CSMD1: variants seen among roughly 807,000 people sequenced by gnomAD.
CSMD1 encodes CUB and sushi domain-containing protein 1.
Under a neutral mutation model 417.5 loss-of-function variants are expected in CSMD1, and 213 were observed. The ratio of observed to expected loss-of-function variants is 0.51; its 90% CI spans 0.46 to 0.57. The LOEUF (loss-of-function observed/expected upper bound fraction) is 0.57. Among genes scored for constraint, CSMD1 ranks in the 20% least tolerant of loss-of-function variants. The probability of loss-of-function intolerance (pLI) is 0.00; values close to 1 mark genes in which losing one functional copy is unlikely to be tolerated. For synonymous variants in CSMD1, 2,862 were observed against 1,736.8 expected, an observed-to-expected ratio of 1.65 and a Z score of -16.11; for missense variants, 6,923 against 4,529.7, an observed-to-expected ratio of 1.53 and a Z score of -15.17.
At chr8:4,074,298 G>A (rs574068096) in intron 3 of CSMD1, among the ~76,000 whole-genome samples, 2 of 152,036 alleles carry the variant, frequency 1.3e-5, no homozygotes, top group South Asian at 2.1e-4. Context: ...GCTAAACAAT[G>A]AAAGAAAATA....
chr8:2,978,653 A>C lies in CSMD1; in HGVS notation c.8525T>G (p.Met2842Arg), dbSNP rs1434507582. Residue 2842 changes from methionine to arginine, a missense_variant, in exon 55 of 70, where the codon ATG becomes AGG. Met to Arg is a moderately conservative substitution (Grantham distance 91, BLOSUM62 -1). Transcript: ENST00000635120. ...YLLGSSALTCMANGLWDRSLP... is the reference protein window; with the variant it reads ...YLLGSSALTCRANGLWDRSLP... The stretch of plus-strand genomic sequence containing the variant: ...GGATCGGTCCCATAAGCCATTTGCC[A>C]TACAGGTCAAGGCTGAAGATCCCAG... 1 of 1,606,526 alleles carries C rather than the reference A, an allele frequency of 6.2e-7. No individual in the cohort carries two copies. Among genetic ancestry groups the C allele is most frequent in the East Asian group, 2.2e-5 (1 of 44,678 alleles).
chr8:4,481,700 G>T (rs1428262417), intron 2 of CSMD1, among the ~76,000 whole-genome samples: 1 of 152,124 alleles, frequency 6.6e-6, no homozygotes, highest in Non-Finnish European at 1.5e-5. Context: ...CAGTCTATTT[G>T]GTTTGTTCCA....
intron 3 of CSMD1, among the ~76,000 whole-genome samples, chr8:4,216,811 A>G (rs934974227): frequency 6.6e-6 from 1 of 152,244 alleles, no homozygotes; most frequent in Non-Finnish European, 1.5e-5. Context: ...ACAGAATTCC[A>G]ACACAAGAAA....
At chr8:4,983,148 GC>G in intron 1 of CSMD1, among the ~76,000 whole-genome samples, 2 of 152,258 alleles carry the variant, frequency 1.3e-5, no homozygotes, top group Admixed American at 1.3e-4. Flanking sequence ...AATAAGCATG[GC>G]AAAATAATAT....
intron 4 of CSMD1, among the ~76,000 whole-genome samples, chr8:3,999,227 T>C (rs937727805): frequency 2.0e-5 from 3 of 152,100 alleles, no homozygotes; most frequent in African/African-American, 4.8e-5. Flanking sequence ...TTAATTCTGA[T>C]ACTGCAATGT....
At chr8:3,287,634 A>G (rs192516751) in intron 25 of CSMD1, among the ~76,000 whole-genome samples, 208 of 152,190 alleles carry the variant, frequency 1.4e-3, no homozygotes, top group African/African-American at 4.6e-3. Flanking sequence ...AATGCTTGTG[A>G]TTTTTGCACA....
chr8:4,306,309 C>G (rs1798242170), intron 3 of CSMD1, among the ~76,000 whole-genome samples: 1 of 152,112 alleles, frequency 6.6e-6, no homozygotes, highest in South Asian at 2.1e-4. Flanking sequence ...ATATAACAGC[C>G]CAGCTCGATC....
intron 2 of CSMD1, among the ~76,000 whole-genome samples, chr8:4,487,483 A>C (rs192216134): frequency 3.3e-5 from 5 of 152,322 alleles, no homozygotes; most frequent in Admixed American, 2.6e-4. Flanking sequence ...TGTCCCTACA[A>C]AGGACATGAA....
chr8:4,261,630 G>C (rs1413460144), intron 3 of CSMD1, among the ~76,000 whole-genome samples: 1 of 151,888 alleles, frequency 6.6e-6, no homozygotes, highest in Non-Finnish European at 1.5e-5. Context: ...GGCTAGTGTT[G>C]AACTCCTAGG....
chr8:4,737,307 G>A (rs927879532), intron 1 of CSMD1, among the ~76,000 whole-genome samples: 3 of 152,038 alleles, frequency 2.0e-5, no homozygotes, highest in Non-Finnish European at 4.4e-5. Context: ...GAGACATGGG[G>A]AGGAACAACA....
intron 4 of CSMD1, among the ~76,000 whole-genome samples, chr8:4,013,304 A>G (rs1399809143): frequency 6.6e-6 from 1 of 152,036 alleles, no homozygotes; most frequent in Non-Finnish European, 1.5e-5. Flanking sequence ...CCGTTGCTCT[A>G]TTCTTCGTTC....
At chr8:4,897,554 T>C (rs565897523) in intron 1 of CSMD1, among the ~76,000 whole-genome samples, 6 of 152,248 alleles carry the variant, frequency 3.9e-5, no homozygotes, top group South Asian at 4.1e-4. Context: ...TAGTGTTTAA[T>C]AGATTGCAAT....
chr8:4,120,611 T>G (rs13280629), intron 3 of CSMD1, among the ~76,000 whole-genome samples: 1 of 152,174 alleles, frequency 6.6e-6, no homozygotes, highest in Non-Finnish European at 1.5e-5. Context: ...GGGTGCCAAA[T>G]AGACAGTCTG....
At chr8:3,252,368 T>G (rs1417255085) in intron 26 of CSMD1, among the ~76,000 whole-genome samples, 1 of 152,222 alleles carries the variant, frequency 6.6e-6, no homozygotes, top group Non-Finnish European at 1.5e-5. Context: ...TTACATTTAT[T>G]GATTTGCATA....
chr8:4,632,000 T>C (rs1275988072), intron 2 of CSMD1, among the ~76,000 whole-genome samples: 1 of 152,220 alleles, frequency 6.6e-6, no homozygotes. Flanking sequence ...GATATAATAA[T>C]TTTATCACAG....
chr8:4,310,598 G>A (rs1436340976), intron 3 of CSMD1, among the ~76,000 whole-genome samples: 1 of 152,118 alleles, frequency 6.6e-6, no homozygotes, highest in Non-Finnish European at 1.5e-5. Context: ...AGCTCTCGAT[G>A]ATGTTAAATC....
chr8:4,964,320 C>T (rs954037990), intron 1 of CSMD1, among the ~76,000 whole-genome samples: 2 of 151,588 alleles, frequency 1.3e-5, no homozygotes, highest in South Asian at 4.2e-4. Context: ...TCAACACCAG[C>T]AGGGCAGCAT....
intron 10 of CSMD1, among the ~76,000 whole-genome samples, chr8:3,558,094 T>A (rs1405952472): frequency 1.3e-5 from 2 of 149,700 alleles, no homozygotes; most frequent in South Asian, 4.2e-4. Context: ...CCGTGTCGAC[T>A]CCTCCAATGA....
chr8:3,909,736 G>A (rs1385123991), intron 5 of CSMD1, among the ~76,000 whole-genome samples: 1 of 152,124 alleles, frequency 6.6e-6, no homozygotes, highest in Non-Finnish European at 1.5e-5. Context: ...AAAAGTTTAG[G>A]GAAGGGGGTC....
Sources: allele counts gnomAD v4.1 joint callset (sites outside exome capture counted in the v4.1 genomes callset), GRCh38; gene constraint gnomAD v4.1.1; transcripts MANE v1.5; gene names NCBI Gene and HGNC (gene_info 2026-07-23, HGNC 2026-07-21).